The following FOXP1 variants were observed in gnomAD, a reference collection of about 807,000 sequenced individuals.
The protein encoded by FOXP1 is forkhead box P1.
In FOXP1, 15 loss-of-function variants were observed where a neutral mutation model predicts 98.2. The ratio of observed to expected loss-of-function variants is 0.15; its 90% CI spans 0.10 to 0.24. The LOEUF (loss-of-function observed/expected upper bound fraction) is 0.24. Ranked by LOEUF, FOXP1 falls within the 10% of genes least tolerant of loss-of-function variation. The pLI, the probability that FOXP1 is intolerant of heterozygous loss-of-function variation, is 1.00. For synonymous variants in FOXP1, 371 were observed against 314.5 expected (o/e 1.18, Z -1.90); for missense variants, 633 against 848.5 (o/e 0.75, Z 3.15).
chr3:71,035,122 G>C (rs959253203), intron 11 of FOXP1, among the ~76,000 whole-genome samples: 3 of 152,162 alleles, frequency 2.0e-5, no homozygotes, highest in African/African-American at 7.2e-5. Flanking sequence ...TGCAGGTCTG[G>C]GGCAGGGCCA....
chr3:71,583,573 G>T lies in FOXP1; in HGVS notation c.-449C>A, dbSNP rs1390740497. On this transcript the variant is annotated splice_region_variant and 5_prime_UTR_variant, in exon 1 of 21. Transcript: ENST00000649528. ...GAAATGGAAAAATACAAACTCACCC[G>T]CTGCAAATGGTCTCTCGGTGCAAAC... The T allele has an allele frequency of 2.3e-5, 23 of 982,872 alleles. No homozygotes were observed. Among genetic ancestry groups the T allele is most frequent in the Non-Finnish European group, 2.8e-5 (23 of 829,456 alleles). The allele number at this position is 982,872 out of a possible 1,614,324, so 60.9% of individuals were successfully genotyped here.
At chr3:71,468,741 G>A (rs1279903194) in intron 3 of FOXP1, among the ~76,000 whole-genome samples, 1 of 152,096 alleles carries the variant, frequency 6.6e-6, no homozygotes, top group Non-Finnish European at 1.5e-5. Context: ...CACTGGCCGT[G>A]ACTCTTTCAT....
At chr3:71,351,359 T>G (rs1281140472) in intron 4 of FOXP1, among the ~76,000 whole-genome samples, 1 of 152,238 alleles carries the variant, frequency 6.6e-6, no homozygotes, top group African/African-American at 2.4e-5. Flanking sequence ...CTCAGTATTT[T>G]AAGGCACCGA....
intron 2 of FOXP1, among the ~76,000 whole-genome samples, chr3:71,501,626 C>A (rs965114934): frequency 6.6e-6 from 1 of 152,076 alleles, no homozygotes; most frequent in African/African-American, 2.4e-5. Flanking sequence ...AACAACATGA[C>A]CTTTCGAAGA....
intron 2 of FOXP1, among the ~76,000 whole-genome samples, chr3:71,530,481 A>C (rs1040925477): frequency 3.3e-5 from 5 of 152,178 alleles, no homozygotes; most frequent in African/African-American, 7.2e-5. Context: ...ATAGCAACAC[A>C]AAGTGGACCA....
intron 7 of FOXP1, among the ~76,000 whole-genome samples, chr3:71,073,332 A>G (rs913077182): frequency 1.3e-5 from 2 of 152,042 alleles, no homozygotes; most frequent in Admixed American, 1.3e-4. Flanking sequence ...CTCTGCTTAC[A>G]CCCTTCTCTA....
chr3:71,235,430 T>C (rs2066689713), intron 5 of FOXP1, among the ~76,000 whole-genome samples: 1 of 152,214 alleles, frequency 6.6e-6, no homozygotes, highest in African/African-American at 2.4e-5. Context: ...AATCTTGACA[T>C]CTTCGGTTGA....
At chr3:71,034,848 T>C (rs946452703) in intron 11 of FOXP1, among the ~76,000 whole-genome samples, 1 of 152,180 alleles carries the variant, frequency 6.6e-6, no homozygotes, top group Admixed American at 6.5e-5. Context: ...TTCTACTCTG[T>C]TGGCTCACGT....
chr3:71,475,201 T>TAA (rs1419006501), intron 3 of FOXP1, among the ~76,000 whole-genome samples: 1 of 152,100 alleles, frequency 6.6e-6, no homozygotes, highest in Non-Finnish European at 1.5e-5. Context: ...TCCTGGATGC[T>TAA]AACCCCATGC....
At chr3:71,577,281 C>A (rs1314983250) in intron 2 of FOXP1, among the ~76,000 whole-genome samples, 1 of 152,194 alleles carries the variant, frequency 6.6e-6, no homozygotes, top group Non-Finnish European at 1.5e-5. Context: ...GTAGCCCTAA[C>A]TGTAAGAACA....
chr3:71,338,556 T>C (rs1236696519), intron 4 of FOXP1, among the ~76,000 whole-genome samples: 1 of 152,154 alleles, frequency 6.6e-6, no homozygotes, highest in East Asian at 1.9e-4. Context: ...GCCTCCCAAG[T>C]AGCTGGGACT....
chr3:70,968,457 T>C (rs945478213), intron 19 of FOXP1: 4 of 150,638 alleles, frequency 2.7e-5, no homozygotes, highest in South Asian at 2.1e-4. Flanking sequence ...TTGCACAGCA[T>C]GTGGTTTCAT....
intron 14 of FOXP1, among the ~76,000 whole-genome samples, chr3:70,980,301 T>C (rs1343944568): frequency 6.6e-6 from 1 of 152,198 alleles, no homozygotes; most frequent in Non-Finnish European, 1.5e-5. Flanking sequence ...AATTAGTGCA[T>C]GAAAGGCTAA....
At chr3:71,186,804 T>C (rs2062675226) in intron 6 of FOXP1, among the ~76,000 whole-genome samples, 1 of 152,250 alleles carries the variant, frequency 6.6e-6, no homozygotes, top group Non-Finnish European at 1.5e-5. Flanking sequence ...TTCCTCAGTT[T>C]TGTCACTGTA....
intron 5 of FOXP1, among the ~76,000 whole-genome samples, chr3:71,203,971 A>G (rs925730486): frequency 2.0e-5 from 3 of 151,816 alleles, no homozygotes; most frequent in Admixed American, 1.3e-4. Context: ...GAAGGAAGGA[A>G]GGAAGGAAGG....
At chr3:71,583,772 T>G, upstream of FOXP1, 1 of 986,048 alleles carries the variant, frequency 1.0e-6, no homozygotes, top group Non-Finnish European at 1.2e-6. Flanking sequence ...ATTCCTCCGC[T>G]CCGGACTAGC....
At chr3:71,203,001 T>C (rs6769225) in intron 5 of FOXP1, among the ~76,000 whole-genome samples, 129,561 of 152,072 alleles carry the variant, frequency 0.85, 55,207 homozygotes, top group Admixed American at 0.91. Flanking sequence ...AATAACTAAC[T>C]CTATAACTAA....
chr3:71,218,778 T>C (rs2065135740), intron 5 of FOXP1, among the ~76,000 whole-genome samples: 1 of 152,200 alleles, frequency 6.6e-6, no homozygotes. Context: ...CATAGAACTG[T>C]AGTTTGTGGG....
At chr3:71,521,148 A>G (rs1365094936) in intron 2 of FOXP1, among the ~76,000 whole-genome samples, 10 of 151,980 alleles carry the variant, frequency 6.6e-5, no homozygotes, top group Non-Finnish European at 1.5e-4. Flanking sequence ...GATAGCAGCA[A>G]GGAAAGCTCC....
Sources: gnomAD v4.1 joint callset for allele counts (sites outside exome capture counted in the v4.1 genomes callset) on GRCh38, gnomAD v4.1.1 for gene constraint, MANE v1.5 for transcripts, NCBI Gene and HGNC (gene_info 2026-07-23, HGNC 2026-07-21) for gene names.